The following SOX5 variants were observed in gnomAD, a reference collection of about 807,000 sequenced individuals.
The protein encoded by SOX5 is transcription factor SOX-5.
In SOX5, 9 loss-of-function variants were observed where a neutral mutation model predicts 92.0. That is an observed-to-expected ratio of 0.10 (90% CI 0.06 to 0.17). The LOEUF (loss-of-function observed/expected upper bound fraction) is 0.17. SOX5 is among the 10% of genes least tolerant of loss of function. The pLI is 1.00. For synonymous variants in SOX5, 344 were observed against 336.3 expected, an observed-to-expected ratio of 1.02 and a Z score of -0.25; for missense variants, 642 against 944.5, an observed-to-expected ratio of 0.68 and a Z score of 4.20.
At chr12:23,861,780 C>T (rs1175657466) in intron 2 of SOX5, among the ~76,000 whole-genome samples, 1 of 152,144 alleles carries the variant, frequency 6.6e-6, no homozygotes, top group Non-Finnish European at 1.5e-5. Context: ...ACTGCTATGC[C>T]TACCAGCTTT....
At chr12:24,178,318 G>A (rs1418979640) in intron 4 of SOX5, among the ~76,000 whole-genome samples, 1 of 145,582 alleles carries the variant, frequency 6.9e-6, no homozygotes, top group East Asian at 2.0e-4. Flanking sequence ...GTTCTTTGGT[G>A]AAAATATCAT....
intron 4 of SOX5, among the ~76,000 whole-genome samples, chr12:24,077,809 A>T (rs1942837038): frequency 7.0e-6 from 1 of 143,438 alleles, no homozygotes; most frequent in South Asian, 2.2e-4. Flanking sequence ...ATATATATGC[A>T]GCTAAGTGAA....
At chr12:24,095,142 G>GAGAT (rs1555507662) in intron 4 of SOX5, among the ~76,000 whole-genome samples, 31 of 148,454 alleles carry the variant, frequency 2.1e-4, no homozygotes, top group Admixed American at 3.3e-4. Flanking sequence ...GAGAGAGAGA[G>GAGAT]AGAGAGAGAG....
intron 1 of SOX5, among the ~76,000 whole-genome samples, chr12:24,521,673 A>C (rs1174690613): frequency 6.6e-6 from 1 of 152,228 alleles, no homozygotes; most frequent in African/African-American, 2.4e-5. Flanking sequence ...AAAATTCACA[A>C]ACGCATGGAA....
At chr12:23,557,532 TAAGAA>T (rs1945392040) in intron 11 of SOX5, among the ~76,000 whole-genome samples, 1 of 152,352 alleles carries the variant, frequency 6.6e-6, no homozygotes, top group Non-Finnish European at 1.5e-5. Context: ...CTGTTTTACA[TAAGAA>T]AAGAAATACA....
chr12:23,596,148 G>A (rs1423126875), intron 9 of SOX5, among the ~76,000 whole-genome samples: 7 of 151,930 alleles, frequency 4.6e-5, no homozygotes, highest in Non-Finnish European at 1.0e-4. Context: ...TGAGTACTTC[G>A]GGTTTTTAAG....
intron 4 of SOX5, among the ~76,000 whole-genome samples, chr12:24,195,914 T>A (rs2139466505): frequency 6.6e-6 from 1 of 152,328 alleles, no homozygotes; most frequent in African/African-American, 2.4e-5. Context: ...AAACAGGGTC[T>A]CATTCTGTTG....
At chr12:24,521,543 G>T (rs184232013) in intron 1 of SOX5, among the ~76,000 whole-genome samples, 2 of 152,284 alleles carry the variant, frequency 1.3e-5, no homozygotes, top group Non-Finnish European at 2.9e-5. Context: ...CTAGAGGACA[G>T]ATCACATGTT....
At chr12:23,989,844 C>A (rs1950396446) in intron 4 of SOX5, among the ~76,000 whole-genome samples, 1 of 152,060 alleles carries the variant, frequency 6.6e-6, no homozygotes, top group African/African-American at 2.4e-5. Context: ...GTTGTTCAAA[C>A]TACCCAGTTT....
intron 8 of SOX5, among the ~76,000 whole-genome samples, chr12:23,625,355 AAAT>A (rs1391925786): frequency 2.6e-5 from 4 of 152,228 alleles, no homozygotes; most frequent in Non-Finnish European, 5.9e-5. Flanking sequence ...GTTACGGTCT[AAAT>A]GGAATCCTCT....
At chr12:24,159,962 C>T (rs537030579) in intron 4 of SOX5, among the ~76,000 whole-genome samples, 5 of 151,944 alleles carry the variant, frequency 3.3e-5, no homozygotes, top group African/African-American at 1.2e-4. Context: ...CTTCTCATCT[C>T]TGGGTATCCA....
intron 4 of SOX5, among the ~76,000 whole-genome samples, chr12:24,028,319 G>A (rs1955104689): frequency 1.3e-5 from 2 of 151,962 alleles, no homozygotes; most frequent in Non-Finnish European, 2.9e-5. Context: ...ACACAGCAAT[G>A]CCTTCTCAAT....
At chr12:24,117,875 C>T (rs934165026) in intron 4 of SOX5, among the ~76,000 whole-genome samples, 1 of 151,842 alleles carries the variant, frequency 6.6e-6, no homozygotes, top group Non-Finnish European at 1.5e-5. Context: ...CAAAAATTAG[C>T]TGGGCGTGAT....
intron 9 of SOX5, among the ~76,000 whole-genome samples, chr12:23,600,526 T>TATATATATATATAC (rs2074319431): frequency 1.0e-5 from 1 of 99,566 alleles, no homozygotes; most frequent in Non-Finnish European, 2.0e-5. Flanking sequence ...GGGGTGCATA[T>TATATATATATATAC]ATATATATAT....
Position 23,846,207 on chromosome 12 carries a change from C to CA in SOX5, c.271-15dup, listed in dbSNP as rs2096572885. The CA allele has an allele frequency of 6.3e-7, 1 of 1,584,004 alleles. No individual in the cohort carries two copies. Among genetic ancestry groups the CA allele is most frequent in the South Asian group, 1.1e-5 (1 of 90,328 alleles). ...GCCATCAACTTCCTGAAAGAGAAAG[C>CA]AAAATGACAAATAATTGTTTACCTG... On this transcript the variant is annotated splice_polypyrimidine_tract_variant and intron_variant, in intron 2 of 14. Transcript: ENST00000451604.
chr12:24,545,029 C>A (rs189370387), intron 1 of SOX5, among the ~76,000 whole-genome samples: 7 of 152,236 alleles, frequency 4.6e-5, no homozygotes, highest in East Asian at 1.9e-4. Flanking sequence ...GGTTTATATA[C>A]ATGATCAGAA....
chr12:23,927,694 A>G (rs1940356264), intron 1 of SOX5, among the ~76,000 whole-genome samples: 2 of 152,080 alleles, frequency 1.3e-5, no homozygotes, highest in African/African-American at 4.8e-5. Flanking sequence ...AGAAACTACA[A>G]TGTTAAAATC....
chr12:24,369,851 A>G (rs1178022353), intron 1 of SOX5, among the ~76,000 whole-genome samples: 1 of 152,224 alleles, frequency 6.6e-6, no homozygotes, highest in Admixed American at 6.5e-5. Context: ...TTAAATCTAC[A>G]AAGTCCAAAA....
intron 11 of SOX5, among the ~76,000 whole-genome samples, chr12:23,546,991 T>C (rs1217436898): frequency 1.3e-5 from 2 of 152,136 alleles, no homozygotes; most frequent in African/African-American, 2.4e-5. Context: ...TGCCTGCTAC[T>C]TGGACCACAA....
Sources: allele counts gnomAD v4.1 joint callset (sites outside exome capture counted in the v4.1 genomes callset), GRCh38; gene constraint gnomAD v4.1.1; transcripts MANE v1.5; gene names NCBI Gene and HGNC (gene_info 2026-07-23, HGNC 2026-07-21).